Variants in CYP4F12 observed in about 807,000 individuals in gnomAD.
CYP4F12 encodes the protein cytochrome P450 4F12.
Under a neutral mutation model 56.5 loss-of-function variants are expected in CYP4F12, and 60 were observed. That is an observed-to-expected ratio of 1.06 (90% CI 0.86 to 1.32). CYP4F12 has a LOEUF of 1.32. Ranked by LOEUF, CYP4F12 falls within the 40% of genes most tolerant of loss-of-function variation. The pLI is 0.00. For synonymous variants in CYP4F12, 263 were observed against 264.9 expected (o/e 0.99, Z 0.07); for missense variants, 711 against 683.5 (o/e 1.04, Z -0.45).
At chr19:15,674,708 T>TCCTC (rs2006832778) in intron 2 of CYP4F12, among the ~76,000 whole-genome samples, 1 of 151,348 alleles carries the variant, frequency 6.6e-6, no homozygotes, top group African/African-American at 2.4e-5. Context: ...CTGATTCCTC[T>TCCTC]ACCCACCGAC....
In CYP4F12 at chr19:15,696,611, C is replaced by T. The variant is rs958765257; in HGVS notation, c.1397+99C>T. ...TGGTCCCAGTTCCAGCTCTCCTTCC[C>T]TCCATTCCTTCACAGTTTATGGGAA... On this transcript the variant is annotated intron_variant, in intron 12 of 12. Transcript: ENST00000550308. 10 of 1,379,762 alleles carry T rather than the reference C, an allele frequency of 7.2e-6. No individual in the cohort carries two copies. In the Admixed American group the frequency reaches 1.5e-4, roughly 20 times the overall value. The allele number at this position is 1,379,762 out of a possible 1,614,324, so 85.5% of individuals were successfully genotyped here. A position where few individuals can be genotyped will look rare whatever the true frequency, so the allele number is the denominator to read the frequency against.
chr19:15,685,107 A>G lies in CYP4F12; in HGVS notation c.1025A>G (p.Tyr342Cys), dbSNP rs755305703. ...TTASGLSWVL[Y>C]NLARHPEYQE... ...GCCAGTGGCCTCTCCTGGGTCCTGT[A>G]CAACCTTGCGAGGCACCCAGAATAC... Residue 342 changes from tyrosine (Y) to cysteine (C), a missense_variant, in exon 9 of 13, where the codon TAC (tyrosine) becomes TGC (cysteine). Physicochemically the swap from Tyr to Cys is radical, Grantham distance 194. Coordinates refer to ENST00000550308, the MANE Select transcript of CYP4F12 (RefSeq NM_023944.4). 6.2e-7 allele frequency: 1 copy of G among 1,614,160 alleles called. No individual in the cohort carries two copies. Among genetic ancestry groups the G allele is most frequent in the Non-Finnish European group, 8.5e-7 (1 of 1,179,996 alleles).
chr19:15,689,140 A>AAT (rs1026612855), intron 9 of CYP4F12, among the ~76,000 whole-genome samples: 1 of 83,748 alleles, frequency 1.2e-5, no homozygotes, highest in Non-Finnish European at 2.5e-5. Flanking sequence ...TAATAATAAT[A>AAT]ATAATAGCCG....
At chr19:15,684,625 C>T (rs904233489) in intron 7 of CYP4F12, 191 bp from the exon 8 acceptor site, 1 of 545,844 alleles carries the variant, frequency 1.8e-6, no homozygotes, top group Admixed American at 3.4e-5. Flanking sequence ...TGGGGGAAGC[C>T]CTTGGAGTTG....
chr19:15,689,025 G>C (rs2007750040), intron 9 of CYP4F12, among the ~76,000 whole-genome samples: 1 of 152,070 alleles, frequency 6.6e-6, no homozygotes, highest in Non-Finnish European at 1.5e-5. Context: ...TTTGGACATT[G>C]GCCTAGGCAA....
chr19:15,695,057 G>A (rs2008055885), intron 9 of CYP4F12, among the ~76,000 whole-genome samples: 1 of 152,080 alleles, frequency 6.6e-6, no homozygotes, highest in Admixed American at 6.6e-5. Context: ...GCACATGTAT[G>A]TTTATTGCGG....
intron 9 of CYP4F12, among the ~76,000 whole-genome samples, chr19:15,693,148 TA>T (rs2007954141): frequency 6.9e-6 from 1 of 145,832 alleles, no homozygotes; most frequent in South Asian, 2.2e-4. Context: ...TTAAGATGCT[TA>T]AAATCAGCCC....
intron 5 of CYP4F12, 40 bp downstream of exon 5, chr19:15,680,559 G>C (rs1284453863): frequency 6.2e-7 from 1 of 1,613,724 alleles, no homozygotes. Flanking sequence ...GGAGTCTTGG[G>C]GTGGAGGGAC....
In CYP4F12 at chr19:15,697,096, C is replaced by T. The variant is rs1374301921; in HGVS notation, c.*11C>T. The T allele has an allele frequency of 1.9e-6, 3 of 1,604,288 alleles. No individual in the cohort carries two copies. The highest frequency in any genetic ancestry group is 1.7e-4 in the Middle Eastern group (1 of 6,034). On this transcript the variant is annotated 3_prime_UTR_variant, in exon 13 of 13. Coordinates refer to ENST00000550308, the MANE Select transcript of CYP4F12 (RefSeq NM_023944.4). ...GTAAGCTTGCAGTGACTTTCTGACCCATCCACCTGTTTTTTTGCAGATTGT... is the reference window on the plus strand; with the variant it reads ...GTAAGCTTGCAGTGACTTTCTGACCTATCCACCTGTTTTTTTGCAGATTGT...
chr19:15,683,602 G>A lies in CYP4F12; in HGVS notation c.757G>A (p.Gly253Arg), dbSNP rs750175965. The A allele has an allele frequency of 1.2e-5, 19 of 1,614,042 alleles. No homozygotes were observed. Among genetic ancestry groups the A allele is most frequent in the African/African-American group, 6.7e-5 (5 of 74,932 alleles). The part of the protein sequence containing the change: ...MDFLYYLSHD[G>R]RRFHRACRLV... ...CTTTCTGTATTACCTCTCCCATGACGGGCGGCGCTTCCACAGGGCCTGCCG... is the reference window on the plus strand; with the variant it reads ...CTTTCTGTATTACCTCTCCCATGACAGGCGGCGCTTCCACAGGGCCTGCCG... The change falls in exon 7 of 13, where the codon GGG (glycine) becomes AGG (arginine). Residue 253 changes from glycine (G) to arginine (R), a missense_variant. Transcript: ENST00000550308.
rs2008119658 is a variant in CYP4F12, at chr19:15,696,053, C to T, written c.1233C>T (p.Gly411=). 6.2e-7 allele frequency: 1 copy of T among 1,613,562 alleles called. No homozygotes were observed. Among genetic ancestry groups the T allele is most frequent in the African/African-American group, 1.3e-5 (1 of 74,896 alleles). ...CCCAGGACATTGTTCTCCCAGATGG[C>T]CGAGTCATCCCCAAAGGTGCCCACA... The part of the protein sequence containing the change: ...CCTQDIVLPD[G]RVIPKGITCL... The change falls in exon 10 of 13, where the codon GGC becomes GGT. Residue 411 remains glycine, a synonymous_variant. Transcript: ENST00000550308.
At chr19:15,679,551 T>C (rs1048487158) in intron 3 of CYP4F12, among the ~76,000 whole-genome samples, 1 of 152,214 alleles carries the variant, frequency 6.6e-6, no homozygotes, top group Admixed American at 6.5e-5. Context: ...GAAGTCATCA[T>C]GTGTGTGGCT....
At chr19:15,679,143 C>G (rs1467517772) in intron 3 of CYP4F12, among the ~76,000 whole-genome samples, 1 of 152,354 alleles carries the variant, frequency 6.6e-6, no homozygotes, top group Middle Eastern at 3.4e-3. Flanking sequence ...ATCTATGGCT[C>G]TGACCCCCAA....
chr19:15,685,108 C>T lies in CYP4F12; in HGVS notation c.1026C>T (p.Tyr342=), dbSNP rs1262176896. The part of the protein sequence containing the change: ...TTASGLSWVL[Y]NLARHPEYQE... ...CCAGTGGCCTCTCCTGGGTCCTGTA[C>T]AACCTTGCGAGGCACCCAGAATACC... The change falls in exon 9 of 13, where the codon TAC becomes TAT. Residue 342 remains tyrosine, a synonymous_variant. Transcript: ENST00000550308. 14 of 1,614,204 alleles carry T rather than the reference C, an allele frequency of 8.7e-6. No individual in the cohort carries two copies. The highest frequency in any genetic ancestry group is 1.2e-5 in the Non-Finnish European group (14 of 1,180,018).
Position 15,683,743 on chromosome 19 carries a change from G to C in CYP4F12, c.898G>C (p.Asp300His). The C allele has an allele frequency of 2.5e-6, 4 of 1,569,610 alleles. No individual in the cohort carries two copies. Among genetic ancestry groups the C allele is most frequent in the Non-Finnish European group, 3.5e-6 (4 of 1,158,728 alleles). Residue 300 changes from aspartate to histidine, a missense_variant, in exon 7 of 13, where the codon GAT (aspartate) becomes CAT (histidine). Physicochemically the swap from Asp to His is moderately conservative, Grantham distance 81. Transcript: ENST00000550308. ...CAAGTCCAAGACTTTGGATTTCATT[G>C]ATGTGCTTCTGCTGAGCAAGGTAGG... ...KAKSKTLDFI[D>H]VLLLSKDEDG... is the part of the protein sequence containing the mutation.
chr19:15,695,465 G>T (rs2008078683), intron 9 of CYP4F12, among the ~76,000 whole-genome samples: 1 of 150,652 alleles, frequency 6.6e-6, no homozygotes, highest in Non-Finnish European at 1.5e-5. Flanking sequence ...TAACTAACCT[G>T]CACATTGTGC....
At position 15,683,726 on chromosome 19, in the gene CYP4F12, A is replaced by G. The variant is rs753007896; in HGVS notation, c.881A>G (p.Lys294Arg). ...DDFFKDKAKS[K>R]TLDFIDVLLL... Reference sequence around the variant, plus strand: ...TTTTTCAAAGACAAAGCCAAGTCCAAGACTTTGGATTTCATTGATGTGCTT... The same window carrying G: ...TTTTTCAAAGACAAAGCCAAGTCCAGGACTTTGGATTTCATTGATGTGCTT... Residue 294 changes from lysine to arginine, a missense_variant, in exon 7 of 13, where the codon AAG (lysine) becomes AGG (arginine). Physicochemically the swap from Lys to Arg is conservative, Grantham distance 26. Transcript: ENST00000550308. The G allele has an allele frequency of 1.3e-6, 2 of 1,589,208 alleles. No individual in the cohort carries two copies. The highest frequency in any genetic ancestry group is 1.7e-6 in the Non-Finnish European group (2 of 1,168,584).
chr19:15,680,553 TC>T, intron 5 of CYP4F12, 34 bp downstream of exon 5: 1 of 1,613,560 alleles, frequency 6.2e-7, no homozygotes, highest in Non-Finnish European at 8.5e-7. Context: ...CCAGATGGAG[TC>T]TTGGGGTGGA....
chr19:15,690,422 A>G (rs188263984), intron 9 of CYP4F12, among the ~76,000 whole-genome samples: 33 of 152,286 alleles, frequency 2.2e-4, no homozygotes, highest in South Asian at 1.7e-3. Context: ...AATAGATCTC[A>G]AAACTTATTC....
Sources: allele counts gnomAD v4.1 joint callset (sites outside exome capture counted in the v4.1 genomes callset), GRCh38; gene constraint gnomAD v4.1.1; transcripts MANE v1.5; gene names NCBI Gene and HGNC (gene_info 2026-07-23, HGNC 2026-07-21).